ENTREP2: variants seen among roughly 807,000 people sequenced by gnomAD.
The protein encoded by ENTREP2 is protein ENTREP2.
chr15:29,281,229 G>A, the ENTREP2 span, among the ~76,000 whole-genome samples: 6 of 152,034 alleles, frequency 3.9e-5, no homozygotes, highest in African/African-American at 1.2e-4. Flanking sequence ...AAATTCTGCC[G>A]AACTCATTGT....
At chr15:29,471,729 C>T in the ENTREP2 span, among the ~76,000 whole-genome samples, 1 of 152,230 alleles carries the variant, frequency 6.6e-6, no homozygotes, top group Non-Finnish European at 1.5e-5. Context: ...TGCAAAGGCC[C>T]TGGGTGTTTC....
the ENTREP2 span, among the ~76,000 whole-genome samples, chr15:29,442,470 G>A: frequency 1.3e-5 from 2 of 152,160 alleles, no homozygotes; most frequent in African/African-American, 2.4e-5. Flanking sequence ...GAGAAATCAC[G>A]TTTTATTTTT....
chr15:29,179,604 G>A, the ENTREP2 span, among the ~76,000 whole-genome samples: 8 of 149,044 alleles, frequency 5.4e-5, no homozygotes, highest in Admixed American at 3.3e-4. Flanking sequence ...TTTTTGAGAC[G>A]GAGTCTCGCT....
At chr15:29,186,962 C>T in the ENTREP2 span, among the ~76,000 whole-genome samples, 1 of 152,170 alleles carries the variant, frequency 6.6e-6, no homozygotes, top group East Asian at 1.9e-4. Context: ...ACATGGCCAA[C>T]CATCTGTGTT....
the ENTREP2 span, chr15:29,265,992 T>A: frequency 6.6e-6 from 1 of 152,198 alleles, no homozygotes; most frequent in Non-Finnish European, 1.5e-5. Flanking sequence ...TAAACACTAA[T>A]GATCGTAACA....
the ENTREP2 span, among the ~76,000 whole-genome samples, chr15:29,454,629 C>T: frequency 1.3e-5 from 2 of 152,132 alleles, no homozygotes; most frequent in Admixed American, 6.5e-5. Flanking sequence ...GCCCCAATGC[C>T]CCCCACCTCC....
chr15:29,653,392 T>C, the ENTREP2 span, among the ~76,000 whole-genome samples: 3 of 152,186 alleles, frequency 2.0e-5, no homozygotes, highest in Non-Finnish European at 4.4e-5. Context: ...TGGCTGACAG[T>C]ACACTGATAC....
the ENTREP2 span, among the ~76,000 whole-genome samples, chr15:29,673,016 G>T: frequency 6.6e-6 from 1 of 152,220 alleles, no homozygotes; most frequent in Non-Finnish European, 1.5e-5. Flanking sequence ...TTCCAGGAAA[G>T]GGGAAGGCAA....
chr15:29,474,238 G>A, the ENTREP2 span, among the ~76,000 whole-genome samples: 4 of 152,106 alleles, frequency 2.6e-5, no homozygotes, highest in East Asian at 1.9e-4. Flanking sequence ...GGCTACCTAC[G>A]GTTCAGGGAA....
the ENTREP2 span, among the ~76,000 whole-genome samples, chr15:29,615,699 T>G: frequency 6.6e-6 from 1 of 152,178 alleles, no homozygotes; most frequent in Non-Finnish European, 1.5e-5. Context: ...ATTCCCTTTT[T>G]TCCCCTGCTC....
At chr15:29,657,059 T>C in the ENTREP2 span, among the ~76,000 whole-genome samples, 3 of 152,182 alleles carry the variant, frequency 2.0e-5, no homozygotes, top group Middle Eastern at 3.4e-3. Flanking sequence ...ACAGCTCTTT[T>C]CTTTTTGAGA....
the ENTREP2 span, among the ~76,000 whole-genome samples, chr15:29,354,839 A>T: frequency 6.6e-6 from 1 of 152,304 alleles, no homozygotes; most frequent in East Asian, 1.9e-4. Context: ...AAAAACTGGT[A>T]AAAATATTTT....
At chr15:29,539,375 T>C in the ENTREP2 span, among the ~76,000 whole-genome samples, 2 of 152,138 alleles carry the variant, frequency 1.3e-5, no homozygotes, top group African/African-American at 4.8e-5. Context: ...CCCCCGCCTT[T>C]TGTTTCAGTG....
the ENTREP2 span, among the ~76,000 whole-genome samples, chr15:29,633,678 G>A: frequency 2.0e-5 from 3 of 152,020 alleles, no homozygotes; most frequent in Non-Finnish European, 4.4e-5. Context: ...TGGGGTGAGG[G>A]GGCCGGGCAC....
At chr15:29,182,935 A>G in the ENTREP2 span, among the ~76,000 whole-genome samples, 1 of 152,116 alleles carries the variant, frequency 6.6e-6, no homozygotes, top group Non-Finnish European at 1.5e-5. Context: ...AATAAATACA[A>G]CTAGATCCGT....
the ENTREP2 span, among the ~76,000 whole-genome samples, chr15:29,652,159 T>C: frequency 6.6e-6 from 1 of 152,096 alleles, no homozygotes; most frequent in Non-Finnish European, 1.5e-5. Context: ...AGCAATGAAC[T>C]ACCTGCAGAG....
At chr15:29,135,939 G>A in the ENTREP2 span, among the ~76,000 whole-genome samples, 1 of 152,154 alleles carries the variant, frequency 6.6e-6, no homozygotes, top group Non-Finnish European at 1.5e-5. The surrounding 1 kb of genome is among the most constrained non-coding windows in gnomAD (Gnocchi z 7.4). Context: ...TCTGCTCCTG[G>A]GGGCTCTCCC....
chr15:29,180,595 C>T, the ENTREP2 span, among the ~76,000 whole-genome samples: 11 of 151,922 alleles, frequency 7.2e-5, no homozygotes, highest in Middle Eastern at 6.3e-3. Context: ...ACCCAGGAGA[C>T]GGAGGTTGCA....
chr15:29,207,479 C>G, the ENTREP2 span, among the ~76,000 whole-genome samples: 1,629 of 150,912 alleles, frequency 0.011, 16 homozygotes, highest in African/African-American at 0.023. Context: ...AGCTTTTATT[C>G]CCTTATTTGT....
Sources: allele counts gnomAD v4.1 joint callset (sites outside exome capture counted in the v4.1 genomes callset), GRCh38; gene constraint gnomAD v4.1.1; non-coding constraint Gnocchi (gnomAD v3.1); transcripts MANE v1.5; gene names NCBI Gene and HGNC (gene_info 2026-07-23, HGNC 2026-07-21).